The following STK33 variants were observed in gnomAD, a reference collection of about 807,000 sequenced individuals.
STK33 encodes serine/threonine-protein kinase 33.
Under a neutral mutation model 58.0 loss-of-function variants are expected in STK33, and 52 were observed. The observed-to-expected ratio is 0.90, with a 90% confidence interval of 0.72 to 1.13. STK33 has a LOEUF of 1.13. Ranked by LOEUF, STK33 falls within the 50% of genes most tolerant of loss-of-function variation. The pLI, the probability that STK33 is intolerant of heterozygous loss-of-function variation, is 0.00. For missense variants in STK33, 630 were observed against 604.2 expected (o/e 1.04, Z -0.45); for synonymous variants, 215 against 200.1 (o/e 1.07, Z -0.63).
chr11:8,346,539 T>G, the STK33 span, among the ~76,000 whole-genome samples: 1 of 152,156 alleles, frequency 6.6e-6, no homozygotes, highest in African/African-American at 2.4e-5. Flanking sequence ...TGCTCTGAGA[T>G]AGAGCCCAAG....
chr11:8,533,385 TG>T (rs1424937283), intron 1 of STK33: 1 of 152,250 alleles, frequency 6.6e-6, no homozygotes, highest in African/African-American at 2.4e-5. Flanking sequence ...AAATTTCCAG[TG>T]TGCGTAAGCA....
chr11:8,538,890 G>A (rs1217386935), intron 1 of STK33, among the ~76,000 whole-genome samples: 2 of 152,186 alleles, frequency 1.3e-5, no homozygotes, highest in Non-Finnish European at 2.9e-5. Context: ...TCCGGAACTC[G>A]CTTGTCTCAG....
chr11:8,361,303 G>A, the STK33 span, among the ~76,000 whole-genome samples: 2 of 152,014 alleles, frequency 1.3e-5, no homozygotes, highest in Admixed American at 6.6e-5. The surrounding 1 kb of genome is among the most constrained non-coding windows in gnomAD (Gnocchi z 4.8). Flanking sequence ...TCAGAGACCC[G>A]CCTGAGCCTC....
chr11:8,356,217 T>G, the STK33 span, among the ~76,000 whole-genome samples: 1 of 152,090 alleles, frequency 6.6e-6, no homozygotes, highest in Non-Finnish European at 1.5e-5. Flanking sequence ...GGTATGAAGC[T>G]CACCCCAGTG....
chr11:8,489,281 AAAG>A (rs1216715438), intron 1 of STK33, among the ~76,000 whole-genome samples: 5 of 149,680 alleles, frequency 3.3e-5, no homozygotes, highest in East Asian at 1.9e-4. Context: ...AGAAAAAAAA[AAAG>A]AAAGAAAAGA....
At chr11:8,481,416 A>G (rs1042114582) in intron 1 of STK33, among the ~76,000 whole-genome samples, 4 of 152,252 alleles carry the variant, frequency 2.6e-5, no homozygotes, top group Non-Finnish European at 4.4e-5. Context: ...ATTTATGTCC[A>G]GCAAAAGACG....
chr11:8,391,829 G>A (rs1190095511), downstream of STK33: 1 of 152,674 alleles, frequency 6.5e-6, no homozygotes, highest in Non-Finnish European at 1.5e-5. Context: ...AGGCTTAGAG[G>A]ACCTTATTAT....
the STK33 span, among the ~76,000 whole-genome samples, chr11:8,357,018 A>C: frequency 1.2e-4 from 19 of 152,304 alleles, 2 homozygotes; most frequent in African/African-American, 4.6e-4. Flanking sequence ...GCTGCCCCGC[A>C]GTTGTGCAGC....
intron 1 of STK33, among the ~76,000 whole-genome samples, chr11:8,530,301 A>G (rs1954423732): frequency 6.6e-6 from 1 of 152,174 alleles, no homozygotes; most frequent in African/African-American, 2.4e-5. Flanking sequence ...ACAAAAGAGC[A>G]TTTAAATGTC....
At position 8,547,094 on chromosome 11, in the gene STK33, A is replaced by G. The variant is rs993845421; in HGVS notation, c.-466+46989T>C. On this transcript the variant is annotated intron_variant, in intron 1 of 15. Transcript: ENST00000687296. ...TAGCATCTGTTACTTTTCCTTTTGG[A>G]GAATAGCCATTTTAACTGGGGCAAA... is the stretch of plus-strand genomic sequence containing the variant. 2.0e-5 allele frequency among the ~76,000 whole-genome samples: 3 copies of G among 152,160 alleles called. No homozygotes were observed. In the South Asian group the frequency reaches 6.2e-4, roughly 32 times the overall value.
chr11:8,349,769 C>T, the STK33 span, among the ~76,000 whole-genome samples: 104 of 152,348 alleles, frequency 6.8e-4, no homozygotes, highest in African/African-American at 2.0e-3. Flanking sequence ...ATGCTACCCT[C>T]GAGGGGACTG....
the STK33 span, among the ~76,000 whole-genome samples, chr11:8,353,425 A>G: frequency 3.9e-5 from 6 of 152,236 alleles, no homozygotes; most frequent in Non-Finnish European, 7.3e-5. Flanking sequence ...GTCTCACAGA[A>G]GCATAGCTGC....
chr11:8,482,732 A>T (rs1242686926), intron 1 of STK33, among the ~76,000 whole-genome samples: 1 of 151,512 alleles, frequency 6.6e-6, no homozygotes, highest in Non-Finnish European at 1.5e-5. Context: ...TTATTTATTT[A>T]TTTATTTATT....
intron 15 of STK33, among the ~76,000 whole-genome samples, chr11:8,394,362 T>C (rs1054504715): frequency 4.6e-5 from 7 of 152,340 alleles, no homozygotes; most frequent in Admixed American, 1.3e-4. Context: ...ACAAATGCTA[T>C]TAAAAGGTGA....
chr11:8,584,829 T>C (rs1013162824), intron 1 of STK33, among the ~76,000 whole-genome samples: 6 of 152,076 alleles, frequency 3.9e-5, no homozygotes, highest in African/African-American at 1.2e-4. Context: ...AGGCAGTTAA[T>C]CTAGACAGGA....
intron 1 of STK33, among the ~76,000 whole-genome samples, chr11:8,557,286 G>GGAGGGAAGGGAGAGGAGAGAA (rs1554999846): frequency 4.4e-4 from 15 of 34,306 alleles, no homozygotes; most frequent in South Asian, 1.7e-3. Context: ...GGAGGGGAGG[G>GGAGGGAAGGGAGAGGAGAGAA]GAGGAGAGAA....
At chr11:8,496,517 C>A (rs1440093716) in intron 1 of STK33, among the ~76,000 whole-genome samples, 1 of 151,932 alleles carries the variant, frequency 6.6e-6, no homozygotes, top group African/African-American at 2.4e-5. Flanking sequence ...TTTGATCTTG[C>A]CTCTAGGATT....
chr11:8,502,608 A>C (rs1017967218), intron 1 of STK33, among the ~76,000 whole-genome samples: 9 of 152,340 alleles, frequency 5.9e-5, no homozygotes, highest in African/African-American at 2.2e-4. Flanking sequence ...AAGCAACTGC[A>C]ACAAAAACAA....
At chr11:8,562,953 G>C (rs1957212993) in intron 1 of STK33, among the ~76,000 whole-genome samples, 1 of 152,000 alleles carries the variant, frequency 6.6e-6, no homozygotes, top group Non-Finnish European at 1.5e-5. Context: ...TAAGTAAAGG[G>C]GTAGCTGTTT....
Sources: gnomAD v4.1 joint callset for allele counts (sites outside exome capture counted in the v4.1 genomes callset) on GRCh38, gnomAD v4.1.1 for gene constraint, Gnocchi (gnomAD v3.1) non-coding constraint, MANE v1.5 for transcripts, NCBI Gene and HGNC (gene_info 2026-07-23, HGNC 2026-07-21) for gene names.